Variants in FAT3 observed in about 807,000 individuals in gnomAD.
FAT3 encodes the protein FAT atypical cadherin 3.
In FAT3, 95 loss-of-function variants were observed where a neutral mutation model predicts 310.2. The ratio of observed to expected loss-of-function variants is 0.31; its 90% confidence interval spans 0.26 to 0.36. The LOEUF (loss-of-function observed/expected upper bound fraction) is 0.36. Among genes scored for constraint, FAT3 ranks in the 10% least tolerant of loss-of-function variants. FAT3 has a pLI of 1.00. For missense variants in FAT3, 5,408 were observed against 5,715.6 expected (o/e 0.95, Z 1.74); for synonymous variants, 2,314 against 2,192.9 (o/e 1.06, Z -1.54).
At chr11:92,320,435 G>A (rs200990218) in intron 1 of FAT3, among the ~76,000 whole-genome samples, 2 of 149,972 alleles carry the variant, frequency 1.3e-5, no homozygotes, top group African/African-American at 2.4e-5. Context: ...AAGGCCTAAA[G>A]AAAAAAAAAA....
Position 92,880,753 on chromosome 11 carries a change from A to T in FAT3, c.12150A>T (p.Ser4050=), listed in dbSNP as rs1949655064. 6.2e-7 allele frequency: 1 copy of T among 1,613,852 alleles called. No individual in the cohort carries two copies. The highest frequency in any genetic ancestry group is 8.5e-7 in the Non-Finnish European group (1 of 1,179,812). ...CAGGCTATCAGTGTACCTGTCTCTC[A>T]CAGTTTACGGGGAGAAACTGTGAAT... ...PSGGYQCTCL[S]QFTGRNCESE... Residue 4050 remains serine (S), a synonymous_variant, in exon 23 of 28, where the codon TCA becomes TCT. Coordinates refer to ENST00000525166, the MANE Select transcript of FAT3 (RefSeq NM_001367949.2).
At chr11:92,382,706 C>CT (rs1949524361) in intron 2 of FAT3, among the ~76,000 whole-genome samples, 2 of 152,206 alleles carry the variant, frequency 1.3e-5, no homozygotes, top group South Asian at 4.1e-4. Flanking sequence ...AGTTCTATGA[C>CT]TTTTTCCATG....
intron 1 of FAT3, among the ~76,000 whole-genome samples, chr11:92,254,147 T>C (rs977107272): frequency 2.0e-5 from 3 of 152,184 alleles, no homozygotes; most frequent in Non-Finnish European, 2.9e-5. Flanking sequence ...TTCTCCCCAG[T>C]ATACTGTGCT....
At chr11:92,641,600 T>TC (rs1485373695) in intron 3 of FAT3, among the ~76,000 whole-genome samples, 1 of 152,166 alleles carries the variant, frequency 6.6e-6, no homozygotes, top group African/African-American at 2.4e-5. Flanking sequence ...ATGTTCCATA[T>TC]CCCCCTCTGC....
chr11:92,768,538 G>A (rs1166214378), intron 6 of FAT3, among the ~76,000 whole-genome samples: 3 of 151,958 alleles, frequency 2.0e-5, no homozygotes, highest in African/African-American at 7.3e-5. Flanking sequence ...AATACCTATT[G>A]TTTCCTTTAT....
At chr11:92,669,112 A>G (rs1943048920) in intron 3 of FAT3, among the ~76,000 whole-genome samples, 1 of 152,216 alleles carries the variant, frequency 6.6e-6, no homozygotes, top group African/African-American at 2.4e-5. Context: ...TGACTTTTCT[A>G]GATCTTTTTT....
At chr11:92,559,492 C>A in intron 3 of FAT3, 1 of 373,268 alleles carries the variant, frequency 2.7e-6, no homozygotes, top group South Asian at 2.0e-5. Flanking sequence ...TCAAGGGATA[C>A]CCCTGCCTCA....
At chr11:92,607,345 G>A (rs955349864) in intron 3 of FAT3, among the ~76,000 whole-genome samples, 3 of 152,096 alleles carry the variant, frequency 2.0e-5, no homozygotes, top group Admixed American at 6.5e-5. Flanking sequence ...CTTGCCCAAA[G>A]TCATGCAGTT....
intron 13 of FAT3, among the ~76,000 whole-genome samples, chr11:92,821,692 G>A (rs938793065): frequency 6.6e-6 from 1 of 152,180 alleles, no homozygotes; most frequent in Admixed American, 6.5e-5. Context: ...ACCAGGGAAT[G>A]AACAGATCTG....
chr11:92,656,762 A>T (rs1449720627), intron 3 of FAT3, among the ~76,000 whole-genome samples: 3 of 152,228 alleles, frequency 2.0e-5, no homozygotes, highest in Non-Finnish European at 2.9e-5. Flanking sequence ...AATATAGCAT[A>T]TCTGGGTAGA....
At chr11:92,403,217 G>GTACCTGAGCAAGATGTCTGTT (rs1950062149) in intron 2 of FAT3, 1 of 152,168 alleles carries the variant, frequency 6.6e-6, no homozygotes, top group Non-Finnish European at 1.5e-5. Flanking sequence ...AAAGTCTGTG[G>GTACCTGAGCAAGATGTCTGTT]TACCTGAGCA....
In FAT3 at chr11:92,844,088, A is replaced by T; in HGVS notation, c.10721A>T (p.His3574Leu). ...DFPGGVIGKI[H>L]ATDQDMYDVL... ...CCTGGTGGGGTCATTGGGAAGATTC[A>T]TGCCACAGATCAAGACATGTATGAT... is the stretch of plus-strand genomic sequence containing the variant. Residue 3574 changes from histidine to leucine, a missense_variant, in exon 19 of 28, where the codon CAT (histidine) becomes CTT (leucine). Coordinates refer to ENST00000525166, the MANE Select transcript of FAT3 (RefSeq NM_001367949.2). 4.3e-6 allele frequency: 7 copies of T among 1,614,034 alleles called. No individual in the cohort carries two copies. The highest frequency in any genetic ancestry group is 5.9e-6 in the Non-Finnish European group (7 of 1,179,906).
rs181083974 is a variant in FAT3 at position 92,444,571 on chromosome 11, T to A, written c.3293-80063T>A. Among the ~76,000 whole-genome samples the A allele has an allele frequency of 5.3e-5, 8 of 151,320 alleles. No homozygotes were observed. In the East Asian group the frequency reaches 1.6e-3, roughly 30 times the overall value. On this transcript the variant is annotated intron_variant, in intron 2 of 27. Transcript: ENST00000525166. ...AGAAGAAAGAATGAAACATGGTAAG[T>A]TTATTTAGAGTCCATCTCAGACGTA...
rs1953804582 is a variant in FAT3 at position 92,524,837 on chromosome 11, T to G, written c.3496T>G (p.Ser1166Ala). ...CATGGAAAACTCTCCAAAGGACGTA[T>G]CTGTCATTCAGATCCAGGCTGAAGA... ...VVMENSPKDVSVIQIQAEDPD... is the reference protein window; with the variant it reads ...VVMENSPKDVAVIQIQAEDPD... Residue 1166 changes from serine to alanine, a missense_variant, in exon 3 of 28, where the codon TCT (serine) becomes GCT (alanine). Around this residue, in one of 5 missense-constraint regions of FAT3, gnomAD observed 4,588 missense variants for 4,809.8 expected, o/e 0.95. Transcript: ENST00000525166. 1.2e-6 allele frequency: 2 copies of G among 1,613,784 alleles called. No homozygotes were observed. The highest frequency in any genetic ancestry group is 2.2e-5 in the South Asian group (2 of 91,080).
At chr11:92,658,472 A>G (rs1348955626) in intron 3 of FAT3, among the ~76,000 whole-genome samples, 2 of 152,154 alleles carry the variant, frequency 1.3e-5, no homozygotes, top group Non-Finnish European at 2.9e-5. Context: ...GCAGGGTCTC[A>G]ATCAGAAACA....
chr11:92,870,639 C>T (rs535071971), intron 22 of FAT3, among the ~76,000 whole-genome samples: 2 of 152,198 alleles, frequency 1.3e-5, no homozygotes, highest in East Asian at 1.9e-4. Flanking sequence ...AGTCCTCAGT[C>T]CTCCACGCCT....
At chr11:92,668,557 C>T (rs892981972) in intron 3 of FAT3, among the ~76,000 whole-genome samples, 13 of 152,180 alleles carry the variant, frequency 8.5e-5, no homozygotes, top group Non-Finnish European at 1.8e-4. Flanking sequence ...TATCTAGACT[C>T]CATCACCTGC....
rs770154068 is a variant in FAT3 at position 92,801,097 on chromosome 11, A to G, written c.8084A>G (p.Tyr2695Cys). The change falls in exon 10 of 28, where the codon TAT (tyrosine) becomes TGT (cysteine). Residue 2695 changes from tyrosine (Y) to cysteine (C), a missense_variant. Coordinates refer to ENST00000525166, the MANE Select transcript of FAT3 (RefSeq NM_001367949.2). ...IPVKHSLIPV[Y>C]IHVLPPETFL... The stretch of plus-strand genomic sequence containing the variant: ...GTAAAGCACTCCCTCATTCCTGTCT[A>G]TATCCACGTCTTGCCCCCTGAAACG... The G allele has an allele frequency of 2.5e-6, 4 of 1,613,866 alleles. No homozygotes were observed. The highest frequency in any genetic ancestry group is 2.7e-5 in the African/African-American group (2 of 74,922).
chr11:92,424,134 C>T (rs955022528), intron 2 of FAT3, among the ~76,000 whole-genome samples: 1 of 151,998 alleles, frequency 6.6e-6, no homozygotes, highest in Admixed American at 6.6e-5. Context: ...GAAGCTGACC[C>T]ATTCTTCCTG....
Sources: allele counts gnomAD v4.1 joint callset (sites outside exome capture counted in the v4.1 genomes callset), GRCh38; gene constraint gnomAD v4.1.1; regional missense constraint gnomAD v4.1.1; transcripts MANE v1.5; gene names NCBI Gene and HGNC (gene_info 2026-07-23, HGNC 2026-07-21).